The following CBX1 variants were observed in gnomAD, a reference collection of about 807,000 sequenced individuals.
The protein encoded by CBX1 is chromobox protein homolog 1.
In CBX1, 10 loss-of-function variants were observed where a neutral mutation model predicts 25.1. That is an observed-to-expected ratio of 0.40 (90% CI 0.25 to 0.68). CBX1 has a LOEUF of 0.68. Among genes scored for constraint, CBX1 ranks in the 30% least tolerant of loss-of-function variants. The pLI is 0.40. For synonymous variants in CBX1, 63 were observed against 79.4 expected (o/e 0.79, Z 1.10); for missense variants, 106 against 218.5 (o/e 0.49, Z 3.25).
rs116288298 is a variant in CBX1 at position 48,078,665 on chromosome 17, T to A, written c.-37-1624A>T. The stretch of plus-strand genomic sequence containing the variant: ...CCATTACGCCTGGCTAATTTCTATA[T>A]TTTTAGAAGAGACGGGGTTTAACCA... On this transcript the variant is annotated intron_variant, in intron 1 of 4. Transcript: ENST00000225603. 8.4e-3 allele frequency among the ~76,000 whole-genome samples: 1,278 copies of A among 151,900 alleles called. 22 individuals are homozygous for A. Among genetic ancestry groups the A allele is most frequent in the African/African-American group, 0.029 (1,221 of 41,392 alleles).
chr17:48,099,162 T>C (rs4794442), intron 1 of CBX1, among the ~76,000 whole-genome samples: 135,546 of 152,014 alleles, frequency 0.89, 60,505 homozygotes, highest in Admixed American at 0.92. Context: ...AGTGCAGTGG[T>C]GCAGATCTCG....
At position 48,096,285 on chromosome 17, in the gene CBX1, A is replaced by C. The variant is rs548618994; in HGVS notation, c.-38+4983T>G. ...GAATTTTATCTGAGATGTGTTCTGA[A>C]ACTTGGAAAACCCCTTGAGTATGTT... On this transcript the variant is annotated intron_variant, in intron 1 of 4. Transcript: ENST00000225603. The C allele has an allele frequency of 4.8e-5, 43 of 899,410 alleles. 1 individual carries two copies. The South Asian group carries it at 1.9e-3, about 41-fold the overall frequency. The allele number at this position is 899,410 out of a possible 1,614,324, so 55.7% of individuals were successfully genotyped here. A position where few individuals can be genotyped will look rare whatever the true frequency, so the allele number is the denominator to read the frequency against.
chr17:48,093,202 G>A (rs914720198), intron 1 of CBX1, among the ~76,000 whole-genome samples: 12 of 151,732 alleles, frequency 7.9e-5, no homozygotes, highest in Admixed American at 2.0e-4. Context: ...TTGAACCCAG[G>A]AGGCAGAGGT....
At chr17:48,094,361 G>A (rs1041246676) in intron 1 of CBX1, among the ~76,000 whole-genome samples, 17 of 151,738 alleles carry the variant, frequency 1.1e-4, no homozygotes, top group African/African-American at 4.1e-4. Context: ...TTGAACTTGG[G>A]AGGTGAAGGC....
intron 1 of CBX1, chr17:48,100,761 C>T (rs2063404518): frequency 2.0e-6 from 2 of 985,374 alleles, no homozygotes; most frequent in Non-Finnish European, 2.4e-6. Context: ...ACACCTTGTG[C>T]GGCCCTGGGC....
chr17:48,080,951 A>AAAATATAT (rs1567765514), intron 1 of CBX1, among the ~76,000 whole-genome samples: 2 of 33,274 alleles, frequency 6.0e-5, no homozygotes, highest in Non-Finnish European at 1.1e-4. Context: ...AAAAAAAAAA[A>AAAATATAT]ATATATATAT....
At chr17:48,076,783 T>C (rs2144432238) in intron 2 of CBX1, 82 bp downstream of exon 2, 1 of 1,286,634 alleles carries the variant, frequency 7.8e-7, no homozygotes, top group South Asian at 1.4e-5. Context: ...ACTGTATCCA[T>C]CATAGCACTG....
intron 1 of CBX1, among the ~76,000 whole-genome samples, chr17:48,099,927 TC>T (rs1567772099): frequency 6.6e-6 from 1 of 151,544 alleles, no homozygotes; most frequent in African/African-American, 2.4e-5. Flanking sequence ...GATCACGAGG[TC>T]AGGAGTTCGA....
chr17:48,088,790 T>C (rs1056911622), intron 1 of CBX1: 2 of 152,174 alleles, frequency 1.3e-5, no homozygotes, highest in Non-Finnish European at 2.9e-5. Flanking sequence ...AGCACCAGTT[T>C]ACCATTTTAT....
In CBX1 at chr17:48,071,410, T is replaced by TGAC. The variant is rs1187789302; in HGVS notation, c.*22_*24dup. 2 of 1,582,360 alleles carry TGAC rather than the reference T, an allele frequency of 1.3e-6. No individual in the cohort carries two copies. The highest frequency in any genetic ancestry group is 1.7e-6 in the Non-Finnish European group (2 of 1,165,220). ...CCCACTTGAAACCCACAGTCAGATG[T>TGAC]GACAGGGGCTGGTACTCAGGAGCGT... On this transcript the variant is annotated 3_prime_UTR_variant, in exon 5 of 5. Transcript: ENST00000225603.
At chr17:48,100,192 C>A (rs982385106) in intron 1 of CBX1, among the ~76,000 whole-genome samples, 1 of 133,640 alleles carries the variant, frequency 7.5e-6, no homozygotes, top group African/African-American at 2.7e-5. Context: ...AATTTTCCAA[C>A]AAGGAAAAGC....
intron 1 of CBX1, among the ~76,000 whole-genome samples, chr17:48,087,749 G>A (rs186303290): frequency 2.6e-5 from 4 of 151,928 alleles, no homozygotes; most frequent in Non-Finnish European, 5.9e-5. Flanking sequence ...GCACACGCAT[G>A]TAGTCCTAGC....
chr17:48,088,682 A>T (rs1387010370), intron 1 of CBX1: 2 of 152,074 alleles, frequency 1.3e-5, no homozygotes, highest in Non-Finnish European at 2.9e-5. Flanking sequence ...ATACTTAAAA[A>T]TATGGACTGC....
intron 1 of CBX1, among the ~76,000 whole-genome samples, chr17:48,100,137 C>CAAAAAAAAAAAAAAAAAA (rs543123998): frequency 3.5e-5 from 2 of 56,892 alleles, no homozygotes; most frequent in African/African-American, 1.2e-4. Flanking sequence ...AGACTCTTCT[C>CAAAAAAAAAAAAAAAAAA]AAAAAAAAAA....
chr17:48,098,559 G>A (rs1481220319), intron 1 of CBX1, among the ~76,000 whole-genome samples: 1 of 152,050 alleles, frequency 6.6e-6, no homozygotes, highest in East Asian at 1.9e-4. Context: ...GTGCAATAGC[G>A]CGATCTCGGC....
rs1205690332 is a variant in CBX1, at chr17:48,100,888, T to C, written c.-38+380A>G. 4 of 985,520 alleles carry C rather than the reference T, an allele frequency of 4.1e-6. No homozygotes were observed. In the East Asian group the frequency reaches 4.5e-4, roughly 112 times the overall value. 61.0% of individuals were successfully genotyped at this position (985,520 alleles called of 1,614,324 possible). A position where few individuals can be genotyped will look rare whatever the true frequency, so the allele number is the denominator to read the frequency against. ...CAGTTACAAACCTCGGGTTGTGCGG[T>C]CGTATGCGCCTCCTCACGCCTATCC... On this transcript the variant is annotated intron_variant, in intron 1 of 4. Coordinates refer to ENST00000225603, the MANE Select transcript of CBX1 (RefSeq NM_001127228.2).
At chr17:48,080,987 T>C (rs1372626119) in intron 1 of CBX1, among the ~76,000 whole-genome samples, 1 of 69,958 alleles carries the variant, frequency 1.4e-5, no homozygotes, top group South Asian at 4.3e-4. Flanking sequence ...TATATATATA[T>C]ATATATAAAA....
At chr17:48,080,876 G>A (rs1288584552) in intron 1 of CBX1, among the ~76,000 whole-genome samples, 16 of 119,986 alleles carry the variant, frequency 1.3e-4, no homozygotes, top group African/African-American at 1.6e-4. Context: ...AGCCGAGATC[G>A]CGCCACTGCA....
intron 1 of CBX1, among the ~76,000 whole-genome samples, chr17:48,098,693 G>C (rs1169479497): frequency 2.0e-5 from 3 of 152,064 alleles, no homozygotes; most frequent in African/African-American, 7.2e-5. Context: ...GATGGGGCCA[G>C]TATGGCTCCA....
Sources: allele counts gnomAD v4.1 joint callset (sites outside exome capture counted in the v4.1 genomes callset), GRCh38; gene constraint gnomAD v4.1.1; transcripts MANE v1.5; gene names NCBI Gene and HGNC (gene_info 2026-07-23, HGNC 2026-07-21).